Variants in ACLY observed in about 807,000 individuals in gnomAD.
ACLY encodes the protein ATP-citrate synthase.
In ACLY, 41 loss-of-function variants were observed where a neutral mutation model predicts 133.0. That is an observed-to-expected ratio of 0.31 (90% CI 0.24 to 0.40). The LOEUF (loss-of-function observed/expected upper bound fraction) is 0.40, where lower values mean the gene tolerates loss of function less well. Ranked by LOEUF, ACLY falls within the 10% of genes least tolerant of loss-of-function variation. ACLY has a pLI of 1.00. For missense variants in ACLY, 1,046 were observed against 1,453.8 expected, an observed-to-expected ratio of 0.72 and a Z score of 4.56; for synonymous variants, 495 against 549.3, an observed-to-expected ratio of 0.90 and a Z score of 1.38.
At chr17:41,876,370 G>A (rs2048758118) in intron 22 of ACLY, among the ~76,000 whole-genome samples, 1 of 152,188 alleles carries the variant, frequency 6.6e-6, no homozygotes, top group South Asian at 2.1e-4. Context: ...CTACTGGGAA[G>A]TGAGGAGCCC....
At chr17:41,877,864 C>T (rs562430723) in intron 22 of ACLY, among the ~76,000 whole-genome samples, 2 of 152,256 alleles carry the variant, frequency 1.3e-5, no homozygotes, top group African/African-American at 4.8e-5. Flanking sequence ...CTCGGACTGG[C>T]TCTCCTTGCT....
rs142674352 is a variant in ACLY at position 41,874,140 on chromosome 17, A to G, written c.2488-175T>C. On this transcript the variant is annotated intron_variant, in intron 22 of 28. Transcript: ENST00000352035. Reference sequence around the variant, plus strand: ...AAGAAAGAAGTGCAAAAGCCCTTTCATTAGATCATTTTGGACATAGAAAAC... The same window carrying G: ...AAGAAAGAAGTGCAAAAGCCCTTTCGTTAGATCATTTTGGACATAGAAAAC... 9.7e-3 allele frequency among the ~76,000 whole-genome samples: 1,479 copies of G among 152,364 alleles called. 10 individuals are homozygous for G. Among genetic ancestry groups the G allele is most frequent in the Non-Finnish European group, 0.014 (929 of 68,038 alleles).
intron 1 of ACLY, among the ~76,000 whole-genome samples, chr17:41,916,782 A>G (rs183853614): frequency 3.3e-5 from 5 of 152,260 alleles, no homozygotes; most frequent in Admixed American, 2.6e-4. Flanking sequence ...CACAAATCCA[A>G]TTGTGCATAT....
At chr17:41,900,180 G>A (rs1172856122) in intron 11 of ACLY, among the ~76,000 whole-genome samples, 4 of 150,760 alleles carry the variant, frequency 2.7e-5, no homozygotes, top group African/African-American at 4.9e-5. Context: ...CTAACACGGT[G>A]AAACCCCGTC....
upstream of ACLY, among the ~76,000 whole-genome samples, chr17:41,919,693 C>T (rs576018508): frequency 1.8e-4 from 27 of 152,068 alleles, no homozygotes; most frequent in South Asian, 5.6e-3. Context: ...GAGATTCCAG[C>T]GAAGGGCTGG....
chr17:41,903,335 C>A (rs890661720), intron 10 of ACLY, among the ~76,000 whole-genome samples: 1 of 152,306 alleles, frequency 6.6e-6, no homozygotes, highest in Middle Eastern at 3.4e-3. Flanking sequence ...CATGTGCACA[C>A]ACAGCCCTGA....
At chr17:41,882,161 G>A (rs2048932375) in intron 20 of ACLY, among the ~76,000 whole-genome samples, 3 of 151,826 alleles carry the variant, frequency 2.0e-5, no homozygotes, top group Admixed American at 2.0e-4. Context: ...AAGGTCAGGA[G>A]CTCGAGACCA....
At chr17:41,919,167 G>A (rs1440410614), upstream of ACLY, 1 of 924,574 alleles carries the variant, frequency 1.1e-6, no homozygotes, top group Non-Finnish European at 1.4e-6. Context: ...CCCATCCACC[G>A]CCTCTTGGGA....
Position 41,898,642 on chromosome 17 carries a change from C to T in ACLY, c.1327G>A (p.Gly443Arg), listed in dbSNP as rs61749881. Residue 443 changes from glycine (G) to arginine (R), a missense_variant, in exon 12 of 29, where the codon GGG becomes AGG. Physicochemically the swap from Gly to Arg is moderately radical, Grantham distance 125. Transcript: ENST00000352035. ...HTANFLLNAS[G>R]STSTPAPSRT... ...AGGCTGGAACCTACCGATGTGCTCC[C>T]GCTGGCGTTGAGGAGGAAGTTTGCA... The T allele has an allele frequency of 8.1e-6, 13 of 1,613,570 alleles. No homozygotes were observed. Among genetic ancestry groups the T allele is most frequent in the East Asian group, 4.5e-5 (2 of 44,872 alleles).
At chr17:41,879,685 A>AAAAAAAAAAAAAG (rs1597981614) in intron 20 of ACLY, among the ~76,000 whole-genome samples, 1 of 127,248 alleles carries the variant, frequency 7.9e-6, no homozygotes. Flanking sequence ...AAAAAAAAAA[A>AAAAAAAAAAAAAG]AAGAAGTGCT....
chr17:41,924,853 A>AC (rs1323707634), intron 1 of ACLY, among the ~76,000 whole-genome samples: 1 of 151,252 alleles, frequency 6.6e-6, no homozygotes, highest in African/African-American at 2.4e-5. Context: ...TCCCAGAGTC[A>AC]CCCCCACTCC....
rs782181054 is a variant in ACLY at position 41,878,931 on chromosome 17, A to G, written c.2266-7T>C. On this transcript the variant is annotated splice_polypyrimidine_tract_variant and splice_region_variant and intron_variant, in intron 20 of 28. Transcript: ENST00000352035. The stretch of plus-strand genomic sequence containing the variant: ...CAGCATGGCCAAACTGGACCTGGAA[A>G]GCAAAGGAAAGTAGCTTTACTGCTA... The G allele has an allele frequency of 3.1e-6, 5 of 1,613,926 alleles. No individual in the cohort carries two copies. The Admixed American group carries it at 5.0e-5, about 16-fold the overall frequency.
chr17:41,896,591 G>T, intron 14 of ACLY, 29 bp downstream of exon 14: 1 of 1,533,908 alleles, frequency 6.5e-7, no homozygotes, highest in Non-Finnish European at 8.8e-7. Context: ...AGCCACACGC[G>T]GAGTGGGGGC....
At chr17:41,887,808 G>A (rs1190541001) in intron 16 of ACLY, 105 bp from the exon 17 acceptor site, 2 of 917,794 alleles carry the variant, frequency 2.2e-6, no homozygotes, top group Non-Finnish European at 3.5e-6. Context: ...TCCTCTTCCA[G>A]GGTCCAAGAA....
intron 16 of ACLY, among the ~76,000 whole-genome samples, chr17:41,890,893 C>CTACTCAGA (rs1479547851): frequency 6.8e-6 from 1 of 147,118 alleles, no homozygotes; most frequent in Non-Finnish European, 1.5e-5. Flanking sequence ...GTAATCCCAG[C>CTACTCAGA]TACTCAGAAG....
chr17:41,906,650 G>C lies in ACLY; in HGVS notation c.748-4C>G. Reference sequence around the variant, plus strand: ...CGAGGTCTGCAATGTAGGCTTCCTGGGGACCAGACAGCAACAGGTAGGCCC... The same window carrying C: ...CGAGGTCTGCAATGTAGGCTTCCTGCGGACCAGACAGCAACAGGTAGGCCC... On this transcript the variant is annotated splice_polypyrimidine_tract_variant and splice_region_variant and intron_variant, in intron 7 of 28. Coordinates refer to ENST00000352035, the MANE Select transcript of ACLY (RefSeq NM_001096.3). 6.2e-7 allele frequency: 1 copy of C among 1,613,890 alleles called. No homozygotes were observed. The highest frequency in any genetic ancestry group is 8.5e-7 in the Non-Finnish European group (1 of 1,179,758).
intron 23 of ACLY, 131 bp from the exon 24 acceptor site, chr17:41,872,313 C>T: frequency 1.2e-6 from 1 of 847,026 alleles, no homozygotes; most frequent in South Asian, 1.7e-5. Context: ...TACCACACAA[C>T]TCTAAGGCAA....
chr17:41,914,969 TCA>T (rs2050012930), intron 1 of ACLY, among the ~76,000 whole-genome samples: 1 of 152,138 alleles, frequency 6.6e-6, no homozygotes, highest in Non-Finnish European at 1.5e-5. Context: ...GAATAAAATC[TCA>T]GAGGCGTTAG....
intron 25 of ACLY, among the ~76,000 whole-genome samples, chr17:41,869,931 G>A (rs2144193861): frequency 6.6e-6 from 1 of 152,278 alleles, no homozygotes; most frequent in East Asian, 1.9e-4. Flanking sequence ...AGAGTCTTAG[G>A]TTCCAGCCTC....
Sources: allele counts gnomAD v4.1 joint callset (sites outside exome capture counted in the v4.1 genomes callset), GRCh38; gene constraint gnomAD v4.1.1; transcripts MANE v1.5; gene names NCBI Gene and HGNC (gene_info 2026-07-23, HGNC 2026-07-21).